DMD: variants seen among roughly 807,000 people sequenced by gnomAD.
DMD encodes mutant dystrophin.
Under a neutral mutation model 330.1 loss-of-function variants are expected in DMD, and 63 were observed. The observed-to-expected ratio is 0.19, with a 90% CI of 0.16 to 0.24. The LOEUF (loss-of-function observed/expected upper bound fraction) is 0.24, where lower values mean the gene tolerates loss of function less well. Ranked by LOEUF, DMD falls within the 10% of genes least tolerant of loss-of-function variation. The pLI, the probability that DMD is intolerant of heterozygous loss-of-function variation, is 1.00. For synonymous variants in DMD, 1,223 were observed against 959.8 expected (o/e 1.27, Z -5.07); for missense variants, 3,344 against 2,684.1 (o/e 1.25, Z -5.43).
chrX:32,777,419 AAACTT>A (rs1436686780), intron 7 of DMD, among the ~76,000 whole-genome samples: 2 of 109,894 alleles, frequency 1.8e-5, no homozygotes, highest in Admixed American at 9.7e-5. Flanking sequence ...ATTTCTCAGA[AAACTT>A]AACCTCAAAG....
In DMD at chrX:32,507,992, A is replaced by G. The variant is rs189452221; in HGVS notation, c.2293-6150T>C. Among the ~76,000 whole-genome samples the G allele has an allele frequency of 1.9e-4, 21 of 110,144 alleles. No homozygotes were observed. The East Asian group carries it at 5.4e-3, about 29-fold the overall frequency. The stretch of plus-strand genomic sequence containing the variant: ...GGGTATTTCAATGGATATTATTCAA[A>G]AAGGTGTGAGCGTATCAGAATATAT... On this transcript the variant is annotated intron_variant, in intron 18 of 78. Coordinates refer to ENST00000357033, the MANE Select transcript of DMD (RefSeq NM_004006.3).
chrX:33,234,119 G>T (rs2052436268), intron 1 of DMD, among the ~76,000 whole-genome samples: 1 of 111,643 alleles, frequency 9.0e-6, no homozygotes. Flanking sequence ...GAGTTCCCAG[G>T]ACGCAGGAAG....
At chrX:31,726,055 G>C (rs1029358875) in intron 52 of DMD, among the ~76,000 whole-genome samples, 7 of 112,009 alleles carry the variant, frequency 6.2e-5, no homozygotes, top group African/African-American at 2.3e-4. Flanking sequence ...GACAAATTCA[G>C]ACACCAAAGA....
intron 52 of DMD, among the ~76,000 whole-genome samples, chrX:31,718,880 T>C (rs777403634): frequency 2.7e-5 from 3 of 111,966 alleles, no homozygotes; most frequent in South Asian, 3.7e-4. Context: ...CAAACTAGTA[T>C]GGAAGTTATC....
chrX:32,791,140 C>T (rs1422687197), intron 7 of DMD, among the ~76,000 whole-genome samples: 1 of 111,725 alleles, frequency 9.0e-6, no homozygotes, highest in African/African-American at 3.3e-5. Flanking sequence ...GCACCATCTG[C>T]AGGCCTAGGA....
At chrX:32,853,783 A>AAAAC (rs1209680791) in intron 2 of DMD, among the ~76,000 whole-genome samples, 5 of 107,366 alleles carry the variant, frequency 4.7e-5, no homozygotes, top group African/African-American at 1.0e-4. Flanking sequence ...AAAAAAAAAA[A>AAAAC]AAACAAACAA....
chrX:31,728,490 A>G lies in DMD; in HGVS notation c.7660+1141T>C, dbSNP rs147253133. 3.6e-3 allele frequency among the ~76,000 whole-genome samples: 399 copies of G among 112,304 alleles called. 4 individuals are homozygous for G. The highest frequency in any genetic ancestry group is 6.1e-3 in the Non-Finnish European group (327 of 53,255). On this transcript the variant is annotated intron_variant, in intron 52 of 78. Transcript: ENST00000357033. ...ATGAGGTACTGAATAAATACTAGCT[A>G]TTATCAATAAGTACTTACCCAATAT...
chrX:31,679,221 A>T lies in DMD; in HGVS notation c.7872+154T>A, dbSNP rs878856087. Among the ~76,000 whole-genome samples, 4 of 112,192 alleles carry T rather than the reference A, an allele frequency of 3.6e-5. No homozygotes were observed. The South Asian group carries it at 1.1e-3, about 31-fold the overall frequency. On this transcript the variant is annotated intron_variant, in intron 53 of 78. Coordinates refer to ENST00000357033, the MANE Select transcript of DMD (RefSeq NM_004006.3). ...GGGTGACAGTGAGACTCTGTCTCTA[A>T]GAAAATAAATATACAAAGTCTACTG...
intron 2 of DMD, among the ~76,000 whole-genome samples, chrX:32,906,371 T>C (rs1353420289): frequency 8.9e-6 from 1 of 112,237 alleles, no homozygotes; most frequent in Non-Finnish European, 1.9e-5. Context: ...GAAGCTGCTA[T>C]GCTTCCTGAA....
Position 32,302,998 on chromosome X carries a change from C to G in DMD, c.6117+7084G>C, listed in dbSNP as rs141657721. 3.6e-4 allele frequency among the ~76,000 whole-genome samples: 40 copies of G among 111,387 alleles called. 1 individual carries two copies. In the East Asian group the frequency reaches 0.011, roughly 31 times the overall value. On this transcript the variant is annotated intron_variant, in intron 42 of 78. Coordinates refer to ENST00000357033, the MANE Select transcript of DMD (RefSeq NM_004006.3). ...CTCTCTACTCTACTGCTTATCATAA[C>G]CACATAATGAAAGCTCACTGATGTG...
At chrX:32,783,828 C>A (rs1472651711) in intron 7 of DMD, among the ~76,000 whole-genome samples, 1 of 110,819 alleles carries the variant, frequency 9.0e-6, no homozygotes, top group African/African-American at 3.3e-5. Context: ...GAGGCACAGT[C>A]GTATTCTTAA....
intron 41 of DMD, among the ~76,000 whole-genome samples, chrX:32,339,240 T>C (rs2097729806): frequency 9.0e-6 from 1 of 111,696 alleles, no homozygotes; most frequent in Non-Finnish European, 1.9e-5. Context: ...AGGCTGTTTA[T>C]CCAAGAGTTA....
At chrX:32,223,385 A>G (rs2097137691) in intron 43 of DMD, among the ~76,000 whole-genome samples, 1 of 111,870 alleles carries the variant, frequency 8.9e-6, no homozygotes, top group Admixed American at 9.5e-5. Flanking sequence ...CCTACCTCTT[A>G]GTACTAGCAC....
chrX:33,107,315 C>T (rs967597411), intron 1 of DMD, among the ~76,000 whole-genome samples: 5 of 73,483 alleles, frequency 6.8e-5, no homozygotes, highest in East Asian at 9.1e-4. Context: ...TCTGTCCCCC[C>T]CCCCCCCCCA....
At chrX:32,885,827 G>GAGGA (rs1557115362) in intron 2 of DMD, among the ~76,000 whole-genome samples, 1 of 64,936 alleles carries the variant, frequency 1.5e-5, no homozygotes, top group African/African-American at 5.7e-5. Context: ...CCTTGAGGGG[G>GAGGA]AAAAAAAAAA....
intron 1 of DMD, among the ~76,000 whole-genome samples, chrX:33,263,289 T>C (rs1684318532): frequency 9.1e-6 from 1 of 110,458 alleles, no homozygotes; most frequent in South Asian, 3.7e-4. Flanking sequence ...TTTTTATTCA[T>C]TTCTCTTATA....
rs749781194 is a variant in DMD at position 31,169,522 on chromosome X, C to T, written c.10474G>A (p.Ala3492Thr). The change falls in exon 74 of 79, where the codon GCC (alanine) becomes ACC (threonine). Residue 3492 changes from alanine (A) to threonine (T), a missense_variant. By Grantham distance (58) the Ala-to-Thr change is moderately conservative. Transcript: ENST00000357033. Reference protein sequence around the residue: ...DSPLSQPRSPAQILISLESEE... With the variant: ...DSPLSQPRSPTQILISLESEE... ...CTCTCTAAGGAAATCAAGATCTGGG[C>T]AGGACTACGAGGCTGGCTCAGGGGG... 1 of 1,203,060 alleles carries T rather than the reference C, an allele frequency of 8.3e-7. No homozygotes were observed. The highest frequency in any genetic ancestry group is 1.1e-6 in the Non-Finnish European group (1 of 888,649).
At chrX:32,173,376 G>T (rs2405685) in intron 44 of DMD, among the ~76,000 whole-genome samples, 37,780 of 108,772 alleles carry the variant, frequency 0.35, 5,917 homozygotes, top group African/African-American at 0.57. Flanking sequence ...TTATTATTAT[G>T]ATTATGATTA....
At chrX:32,199,780 T>TTTTG (rs1488137879) in intron 44 of DMD, among the ~76,000 whole-genome samples, 1 of 84,137 alleles carries the variant, frequency 1.2e-5, no homozygotes, top group Non-Finnish European at 2.2e-5. Flanking sequence ...CGCAAGGCTT[T>TTTTG]TGTGTGTGTG....
Sources: allele counts gnomAD v4.1 joint callset (sites outside exome capture counted in the v4.1 genomes callset), GRCh38; gene constraint gnomAD v4.1.1; transcripts MANE v1.5; gene names NCBI Gene and HGNC (gene_info 2026-07-23, HGNC 2026-07-21).